PIK3C2B: variants seen among roughly 807,000 people sequenced by gnomAD.
PIK3C2B encodes phosphatidylinositol-4-phosphate 3-kinase catalytic subunit type 2 beta.
Under a neutral mutation model 184.3 loss-of-function variants are expected in PIK3C2B, and 83 were observed. The observed-to-expected ratio is 0.45, with a 90% confidence interval of 0.38 to 0.54. The LOEUF (loss-of-function observed/expected upper bound fraction) is 0.54. PIK3C2B is among the 20% of genes least tolerant of loss of function. PIK3C2B has a pLI of 0.00. For missense variants in PIK3C2B, 1,736 were observed against 2,113.5 expected (o/e 0.82, Z 3.50); for synonymous variants, 779 against 837.6 (o/e 0.93, Z 1.21).
intron 23 of PIK3C2B, among the ~76,000 whole-genome samples, chr1:204,435,044 T>C (rs926699186): frequency 6.6e-6 from 1 of 152,202 alleles, no homozygotes; most frequent in Admixed American, 6.5e-5. Flanking sequence ...TAAGAATCTC[T>C]TCCTGACCCT....
At chr1:204,470,202 G>A (rs1012737786) in intron 1 of PIK3C2B, among the ~76,000 whole-genome samples, 8 of 144,842 alleles carry the variant, frequency 5.5e-5, no homozygotes, top group Non-Finnish European at 1.0e-4. Context: ...GAGTCTCGCT[G>A]TGTCACCCAG....
chr1:204,448,851 A>G (rs1447318149), intron 14 of PIK3C2B, among the ~76,000 whole-genome samples: 1 of 152,128 alleles, frequency 6.6e-6, no homozygotes, highest in African/African-American at 2.4e-5. Flanking sequence ...TCAGGCCCCA[A>G]GAGGACCCAG....
Position 204,427,726 on chromosome 1 carries a change from C to T in PIK3C2B, c.4509G>A (p.Lys1503=). The change falls in exon 31 of 33, where the codon AAG becomes AAA. Residue 1503 remains lysine, a synonymous_variant. Coordinates refer to ENST00000684373, the MANE Select transcript of PIK3C2B (RefSeq NM_001377334.1). ...SDGTWARPVG[K]VGGEVKLSIS... is the part of the protein sequence containing the mutation. ...TGGACAGCTTCACCTCCCCTCCCAC[C>T]TTTCCGACGGGCCGGGCCCATGTGC... 1 of 1,614,060 alleles carries T rather than the reference C, an allele frequency of 6.2e-7. No individual in the cohort carries two copies. The highest frequency in any genetic ancestry group is 1.1e-5 in the South Asian group (1 of 91,078).
At chr1:204,475,804 G>A (rs769529286) in intron 1 of PIK3C2B, among the ~76,000 whole-genome samples, 6 of 152,140 alleles carry the variant, frequency 3.9e-5, no homozygotes, top group African/African-American at 7.2e-5. Context: ...GAGGAAAGGC[G>A]AGCTACCCCT....
At chr1:204,473,297 C>T (rs1441021295) in intron 1 of PIK3C2B, among the ~76,000 whole-genome samples, 3 of 152,240 alleles carry the variant, frequency 2.0e-5, no homozygotes, top group African/African-American at 4.8e-5. Flanking sequence ...AATTAGTTCA[C>T]CAAGGACAGA....
In PIK3C2B at chr1:204,428,120, C is replaced by T; in HGVS notation, c.4480+19G>A. On this transcript the variant is annotated intron_variant, in intron 30 of 32. Transcript: ENST00000684373. ...AGTTCAGAGGAGTTGGCAGTAAGGT[C>T]TCAGAGAAGATACTGTACCTGAGGA... 6.6e-7 allele frequency: 1 copy of T among 1,505,744 alleles called. No homozygotes were observed. Among genetic ancestry groups the T allele is most frequent in the Non-Finnish European group, 9.2e-7 (1 of 1,082,192 alleles). The allele number at this position is 1,505,744 out of a possible 1,614,324, so 93.3% of individuals were successfully genotyped here.
Position 204,424,504 on chromosome 1 carries a change from G to T in PIK3C2B, c.*348C>A, listed in dbSNP as rs1674642295. ...TTCATTTTTTAAAAATAAAAATTAA[G>T]ATATCCACCCACCCACCCCCAAAAT... On this transcript the variant is annotated 3_prime_UTR_variant, in exon 33 of 33. Coordinates refer to ENST00000684373, the MANE Select transcript of PIK3C2B (RefSeq NM_001377334.1). 6 of 382,162 alleles carry T rather than the reference G, an allele frequency of 1.6e-5. No homozygotes were observed. Among genetic ancestry groups the T allele is most frequent in the South Asian group, 1.3e-4 (6 of 46,896 alleles). The allele number at this position is 382,162 out of a possible 1,614,324, so 23.7% of individuals were successfully genotyped here. A position where few individuals can be genotyped will look rare whatever the true frequency, so the allele number is the denominator to read the frequency against.
chr1:204,446,396 T>C (rs1304266410), intron 15 of PIK3C2B, among the ~76,000 whole-genome samples: 1 of 152,188 alleles, frequency 6.6e-6, no homozygotes, highest in Non-Finnish European at 1.5e-5. Flanking sequence ...ATGCCACAGA[T>C]CACCAGGTGA....
chr1:204,448,498 C>T (rs1157258958), intron 14 of PIK3C2B, among the ~76,000 whole-genome samples: 7 of 151,886 alleles, frequency 4.6e-5, no homozygotes, highest in South Asian at 4.2e-4. Flanking sequence ...ATTAGCCGGG[C>T]GTGGTGGTGT....
rs1009259101 is a variant in PIK3C2B, at chr1:204,422,810, A to G, written c.*2042T>C. 6.6e-6 allele frequency: 1 copy of G among 152,612 alleles called. No individual in the cohort carries two copies. The highest frequency in any genetic ancestry group is 2.4e-5 in the African/African-American group (1 of 41,432). The allele number at this position is 152,612 out of a possible 1,614,324, so 9.5% of individuals were successfully genotyped here. ...ACACATTTATGGTCCGTTCATCTGG[A>G]AAAGTTTCACCGCCCACTCCCCACT... is the stretch of plus-strand genomic sequence containing the variant. On this transcript the variant is annotated 3_prime_UTR_variant, in exon 33 of 33. Transcript: ENST00000684373.
At chr1:204,477,413 A>G (rs1381152543) in intron 1 of PIK3C2B, among the ~76,000 whole-genome samples, 3 of 152,216 alleles carry the variant, frequency 2.0e-5, no homozygotes, top group African/African-American at 4.8e-5. Context: ...AAACAAGAGG[A>G]CATGCCTATG....
rs769482930 is a variant in PIK3C2B, at chr1:204,449,287, G to A, written c.2244C>T (p.Thr748=). The change falls in exon 14 of 33, where the codon ACC becomes ACT. Residue 748 remains threonine, a synonymous_variant. Transcript: ENST00000684373. ...TPLFNFRQVL[T]CGRKLLGLWP... is the part of the protein sequence containing the mutation. ...ACAAACCCAGAAGCTTCCGGCCACA[G>A]GTCAGGACCCTAAGAAGGAGGGAGA... The A allele has an allele frequency of 2.5e-6, 4 of 1,610,142 alleles. No homozygotes were observed. In the Admixed American group the frequency reaches 6.7e-5, roughly 27 times the overall value.
intron 2 of PIK3C2B, among the ~76,000 whole-genome samples, chr1:204,468,141 G>T (rs1280619442): frequency 2.0e-5 from 3 of 152,194 alleles, no homozygotes; most frequent in Non-Finnish European, 4.4e-5. Flanking sequence ...GATGAATAAT[G>T]CAAGGGTTGC....
Position 204,469,876 on chromosome 1 carries a change from T to A in PIK3C2B, c.-74A>T, listed in dbSNP as rs4951379. The A allele has an allele frequency of 1.0e-6, 1 of 959,616 alleles. No individual in the cohort carries two copies. The highest frequency in any genetic ancestry group is 1.6e-6 in the Non-Finnish European group (1 of 608,728). 59.4% of individuals were successfully genotyped at this position (959,616 alleles called of 1,614,324 possible). On this transcript the variant is annotated 5_prime_UTR_variant, in exon 2 of 33. Transcript: ENST00000684373. Reference sequence around the variant, plus strand: ...TCAGTTCTGGAGGGTTGTGACATGGTGTCTGGGCGCCTGCAGGTGAGGGGT... The same window carrying A: ...TCAGTTCTGGAGGGTTGTGACATGGAGTCTGGGCGCCTGCAGGTGAGGGGT...
At chr1:204,442,699 C>T (rs561275812) in intron 19 of PIK3C2B, 66 bp from the exon 20 acceptor site, 1 of 1,109,112 alleles carries the variant, frequency 9.0e-7, no homozygotes, top group African/African-American at 1.5e-5. Flanking sequence ...CCAGACCTCT[C>T]CCAGGGGTGG....
chr1:204,429,944 G>C lies in PIK3C2B; in HGVS notation c.4375C>G (p.His1459Asp), dbSNP rs751202472. 3 of 1,612,144 alleles carry C rather than the reference G, an allele frequency of 1.9e-6. No homozygotes were observed. Among genetic ancestry groups the C allele is most frequent in the Non-Finnish European group, 2.5e-6 (3 of 1,179,146 alleles). The change falls in exon 29 of 33, where the codon CAC becomes GAC. Residue 1459 changes from histidine to aspartate, a missense_variant. Physicochemically the swap from His to Asp is moderately conservative, Grantham distance 81. Around this residue, in one of 8 missense-constraint regions of PIK3C2B, gnomAD observed 200 missense variants for 199.1 expected, o/e 1.00. Transcript: ENST00000684373. ...ELNGYIWHLI[H>D]APPEVAECDL... ...ACCTCGGCCACCTCAGGGGGTGCGT[G>C]GATCAAGTGCCAGATGTAACCGTTT...
chr1:204,460,723 T>C (rs2103504350), intron 5 of PIK3C2B, 62 bp from the exon 6 acceptor site: 1 of 996,910 alleles, frequency 1.0e-6, no homozygotes, highest in East Asian at 2.4e-5. Flanking sequence ...GGGAGATACA[T>C]ACCTTAGCCT....
chr1:204,492,044 G>A (rs1004822879), intron 1 of PIK3C2B, among the ~76,000 whole-genome samples: 1 of 152,104 alleles, frequency 6.6e-6, no homozygotes, highest in East Asian at 1.9e-4. Context: ...TCCTTAGCAA[G>A]AAAGAAAAGG....
At chr1:204,443,367 T>G in intron 19 of PIK3C2B, 50 bp downstream of exon 19, 1 of 1,546,544 alleles carries the variant, frequency 6.5e-7, no homozygotes, top group East Asian at 2.3e-5. Flanking sequence ...AGAAACTGGC[T>G]GCCAAAGCCC....
Sources: allele counts gnomAD v4.1 joint callset (sites outside exome capture counted in the v4.1 genomes callset), GRCh38; gene constraint gnomAD v4.1.1; regional missense constraint gnomAD v4.1.1; transcripts MANE v1.5; gene names NCBI Gene and HGNC (gene_info 2026-07-23, HGNC 2026-07-21).